The following DIMT1 variants were observed in gnomAD, a reference collection of about 807,000 sequenced individuals.
The protein encoded by DIMT1 is dimethyladenosine transferase.
In DIMT1, 36 loss-of-function variants were observed where a neutral mutation model predicts 43.2. That is an observed-to-expected ratio of 0.83 (90% CI 0.64 to 1.10). DIMT1 has a LOEUF of 1.10. Among genes scored for constraint, DIMT1 ranks in the 50% least tolerant of loss-of-function variants. The pLI is 0.00. For synonymous variants in DIMT1, 126 were observed against 130.3 expected (o/e 0.97, Z 0.22); for missense variants, 341 against 385.3 (o/e 0.88, Z 0.96).
rs1358967381 is a variant in DIMT1, at chr5:62,388,274, A to G, written c.*736T>C. On this transcript the variant is annotated 3_prime_UTR_variant, in exon 12 of 12. Coordinates refer to ENST00000199320, the MANE Select transcript of DIMT1 (RefSeq NM_014473.4). ...AACCCTCTGAAATTTTGCTAAGCCT[A>G]TAGTTATCTCCCTAAGAACCATAAA... 6 of 152,232 alleles carry G rather than the reference A, an allele frequency of 3.9e-5. No individual in the cohort carries two copies. Among genetic ancestry groups the G allele is most frequent in the African/African-American group, 2.4e-5 (1 of 41,464 alleles). The allele number at this position is 152,232 out of a possible 1,614,324, so 9.4% of individuals were successfully genotyped here.
At chr5:62,391,961 T>C (rs1399672397) in intron 10 of DIMT1, 1 of 1,537,616 alleles carries the variant, frequency 6.5e-7, no homozygotes, top group Non-Finnish European at 8.7e-7. Context: ...GGTGGAGTAA[T>C]CAAAGTTGCT....
At chr5:62,392,646 C>T (rs1742350141) in intron 9 of DIMT1, among the ~76,000 whole-genome samples, 1 of 152,138 alleles carries the variant, frequency 6.6e-6, no homozygotes, top group Non-Finnish European at 1.5e-5. Flanking sequence ...TCCATCATCA[C>T]CTCATTTTTC....
rs1457621137 is a variant in DIMT1, at chr5:62,402,142, CT to C, written c.154-21del. On this transcript the variant is annotated intron_variant, in intron 2 of 11. Transcript: ENST00000199320. ...GGCAGCCTAAAAGCAAGCACAAACA[CT>C]TTAGCTCTTCTGGCAACATCAGAAC... The C allele has an allele frequency of 6.2e-7, 1 of 1,612,720 alleles. No homozygotes were observed. The highest frequency in any genetic ancestry group is 8.5e-7 in the Non-Finnish European group (1 of 1,179,006).
chr5:62,394,764 TGA>T (rs1742421653), intron 6 of DIMT1, among the ~76,000 whole-genome samples, 157 bp from the exon 7 acceptor site: 1 of 152,168 alleles, frequency 6.6e-6, no homozygotes. Flanking sequence ...TGCCACAGAA[TGA>T]GAGAGCTGGC....
In DIMT1 at chr5:62,392,162, CT is replaced by C. The variant is rs753864718; in HGVS notation, c.792+8del. The C allele has an allele frequency of 6.2e-7, 1 of 1,611,106 alleles. No individual in the cohort carries two copies. Among genetic ancestry groups the C allele is most frequent in the Non-Finnish European group, 8.5e-7 (1 of 1,178,858 alleles). ...ATCAATGAAACTGCAGGAACATTTT[CT>C]AACTTACAATATTATGGACTGAACA... On this transcript the variant is annotated splice_region_variant and intron_variant, in intron 10 of 11. Transcript: ENST00000199320.
Position 62,398,864 on chromosome 5 carries a change from A to G in DIMT1, c.258T>C (p.Leu86=), listed in dbSNP as rs576043113. ...GAAGTTCAGCTACTAGCCTTGGGTC[A>G]AGTTCACAAGCAACAACCTAATTTA... ...EKAKKVVACE[L]DPRLVAELHK... is the part of the protein sequence containing the mutation. Residue 86 remains leucine, a synonymous_variant, in exon 4 of 12, where the codon CTT becomes CTC. Transcript: ENST00000199320. The G allele has an allele frequency of 2.5e-6, 4 of 1,612,838 alleles. No individual in the cohort carries two copies. Among genetic ancestry groups the G allele is most frequent in the Non-Finnish European group, 3.4e-6 (4 of 1,179,316 alleles).
At chr5:62,401,117 C>A (rs1245644987) in intron 3 of DIMT1, among the ~76,000 whole-genome samples, 1 of 152,150 alleles carries the variant, frequency 6.6e-6, no homozygotes, top group Non-Finnish European at 1.5e-5. Flanking sequence ...CCTTACCTTT[C>A]AACTTCTGGT....
At chr5:62,391,766 T>G in intron 10 of DIMT1, 1 of 1,373,962 alleles carries the variant, frequency 7.3e-7, no homozygotes, top group East Asian at 2.6e-5. Context: ...ACAAAGAAAG[T>G]AATAACTATA....
chr5:62,393,055 G>T, intron 8 of DIMT1, 65 bp from the exon 9 acceptor site: 2 of 1,064,906 alleles, frequency 1.9e-6, no homozygotes, highest in Non-Finnish European at 1.4e-6. Flanking sequence ...TGCCCACTAG[G>T]TATTATTTTG....
At chr5:62,394,176 A>G (rs1742399922) in intron 7 of DIMT1, 129 bp from the exon 8 acceptor site, 1 of 953,216 alleles carries the variant, frequency 1.0e-6, no homozygotes, top group Admixed American at 2.8e-5. Flanking sequence ...TTCAATAATA[A>G]AAATCACTGG....
intron 8 of DIMT1, 60 bp from the exon 9 acceptor site, chr5:62,393,050 A>G (rs1742363046): frequency 2.7e-6 from 3 of 1,124,736 alleles, no homozygotes; most frequent in Admixed American, 1.9e-5. Context: ...GTCTATGCCC[A>G]CTAGGTATTA....
In DIMT1 at chr5:62,388,961, C is replaced by T. The variant is rs773376447; in HGVS notation, c.*49G>A. The T allele has an allele frequency of 3.2e-6, 5 of 1,542,932 alleles. No homozygotes were observed. In the Admixed American group the frequency reaches 9.1e-5, roughly 28 times the overall value. On this transcript the variant is annotated 3_prime_UTR_variant, in exon 12 of 12. Transcript: ENST00000199320. ...ATTATCTTCTCAAATACAAAAAATACAAAATTCATTTCTTTTCTTGACCTT... is the reference window on the plus strand; with the variant it reads ...ATTATCTTCTCAAATACAAAAAATATAAAATTCATTTCTTTTCTTGACCTT...
intron 2 of DIMT1, among the ~76,000 whole-genome samples, chr5:62,402,816 G>A (rs1742753273): frequency 1.3e-5 from 2 of 152,074 alleles, no homozygotes; most frequent in South Asian, 4.1e-4. Flanking sequence ...ATAACCATAA[G>A]AGAACATCAA....
intron 9 of DIMT1, 68 bp downstream of exon 9, chr5:62,392,858 G>T: frequency 8.9e-7 from 1 of 1,122,274 alleles, no homozygotes; most frequent in Non-Finnish European, 1.3e-6. Context: ...CTCAGGAAAA[G>T]GACCAAATTC....
intron 2 of DIMT1, 100 bp downstream of exon 2, chr5:62,403,173 G>A: frequency 5.9e-6 from 6 of 1,009,900 alleles, no homozygotes; most frequent in Non-Finnish European, 9.2e-6. Context: ...AATATTTACA[G>A]AGCATCTAAT....
intron 6 of DIMT1, among the ~76,000 whole-genome samples, chr5:62,398,269 A>G (rs153855): frequency 0.32 from 49,369 of 152,058 alleles, 8,198 homozygotes; most frequent in East Asian, 0.37. Context: ...TCTAACCTAG[A>G]CTTAACGGCA....
At chr5:62,395,488 T>C (rs1439048229) in intron 6 of DIMT1, among the ~76,000 whole-genome samples, 1 of 152,190 alleles carries the variant, frequency 6.6e-6, no homozygotes, top group Non-Finnish European at 1.5e-5. Flanking sequence ...TGTCTGTATG[T>C]ATATGTGTTT....
At chr5:62,399,288 G>A (rs184282986) in intron 3 of DIMT1, among the ~76,000 whole-genome samples, 7 of 151,850 alleles carry the variant, frequency 4.6e-5, no homozygotes, top group African/African-American at 1.5e-4. Flanking sequence ...CCAACATGGC[G>A]AAACCCCGTC....
At chr5:62,389,573 A>T (rs1395346575) in intron 11 of DIMT1, among the ~76,000 whole-genome samples, 1 of 151,754 alleles carries the variant, frequency 6.6e-6, no homozygotes, top group Admixed American at 6.6e-5. Context: ...TGCCTCTTTC[A>T]TTAGAGCCTT....
Sources: gnomAD v4.1 joint callset for allele counts (sites outside exome capture counted in the v4.1 genomes callset) on GRCh38, gnomAD v4.1.1 for gene constraint, MANE v1.5 for transcripts, NCBI Gene and HGNC (gene_info 2026-07-23, HGNC 2026-07-21) for gene names.